PTDSS1: variants seen among roughly 807,000 people sequenced by gnomAD.
The protein encoded by PTDSS1 is phosphatidylserine synthase 1.
A neutral mutation model predicts 70.5 loss-of-function variants in PTDSS1; 45 were observed. The observed-to-expected ratio is 0.64, with a 90% CI of 0.50 to 0.82. The LOEUF is 0.82. PTDSS1 is among the 40% of genes least tolerant of loss of function. The probability of loss-of-function intolerance (pLI) is 0.00; values close to 1 mark genes in which losing one functional copy is unlikely to be tolerated. For missense variants in PTDSS1, 417 were observed against 586.1 expected (o/e 0.71, Z 2.98); for synonymous variants, 188 against 203.8 (o/e 0.92, Z 0.66).
At chr8:96,316,072 A>T (rs1811284216) in intron 9 of PTDSS1, among the ~76,000 whole-genome samples, 1 of 151,568 alleles carries the variant, frequency 6.6e-6, no homozygotes, top group Non-Finnish European at 1.5e-5. Context: ...GTTGATTGGA[A>T]CTCCCTCCAG....
intron 12 of PTDSS1, among the ~76,000 whole-genome samples, chr8:96,331,505 G>A (rs1811515909): frequency 6.6e-6 from 1 of 151,880 alleles, no homozygotes; most frequent in South Asian, 2.1e-4. Flanking sequence ...CTCCAGCCTG[G>A]GCAGCAGAGT....
intron 1 of PTDSS1, among the ~76,000 whole-genome samples, chr8:96,272,853 G>A (rs1373045043): frequency 6.6e-6 from 1 of 152,106 alleles, no homozygotes; most frequent in South Asian, 2.1e-4. Context: ...CCCTCAGTGT[G>A]CAGCCATTCT....
chr8:96,279,061 C>G (rs570942141), intron 2 of PTDSS1, among the ~76,000 whole-genome samples: 3 of 150,946 alleles, frequency 2.0e-5, no homozygotes, highest in African/African-American at 7.3e-5. Context: ...CCCTCCACCT[C>G]CCGGGCTCAA....
intron 1 of PTDSS1, among the ~76,000 whole-genome samples, chr8:96,263,619 C>G (rs1810445939): frequency 6.6e-6 from 1 of 152,178 alleles, no homozygotes; most frequent in Non-Finnish European, 1.5e-5. Flanking sequence ...TTTTATCCAA[C>G]AATCAAGGTT....
At chr8:96,273,510 G>T (rs1563561348) in intron 2 of PTDSS1, 120 bp downstream of exon 2, 5 of 750,124 alleles carry the variant, frequency 6.7e-6, no homozygotes, top group Middle Eastern at 3.8e-4. Context: ...AGTGGTTAGG[G>T]GCACAGGCTC....
chr8:96,291,525 G>A (rs748985728), intron 4 of PTDSS1, among the ~76,000 whole-genome samples: 2 of 149,840 alleles, frequency 1.3e-5, no homozygotes, highest in Non-Finnish European at 1.5e-5. Context: ...TTCTGCAGTC[G>A]CTTCGTAAAT....
chr8:96,294,650 G>A (rs1256735736), intron 4 of PTDSS1, among the ~76,000 whole-genome samples: 1 of 151,668 alleles, frequency 6.6e-6, no homozygotes. Context: ...GTGTATTTTC[G>A]TTATCATTAT....
intron 11 of PTDSS1, 67 bp downstream of exon 11, chr8:96,330,348 A>G: frequency 7.5e-6 from 11 of 1,474,332 alleles, no homozygotes; most frequent in Middle Eastern, 3.4e-4. Context: ...AAATTCGCTC[A>G]GAGCACGTGC....
At chr8:96,326,155 T>A (rs1196523799) in intron 10 of PTDSS1, among the ~76,000 whole-genome samples, 1 of 152,200 alleles carries the variant, frequency 6.6e-6, no homozygotes, top group African/African-American at 2.4e-5. Flanking sequence ...CCTTCCAGAC[T>A]TCTTTTGCCC....
At chr8:96,312,024 G>C (rs1811218836) in intron 9 of PTDSS1, among the ~76,000 whole-genome samples, 1 of 152,202 alleles carries the variant, frequency 6.6e-6, no homozygotes, top group Non-Finnish European at 1.5e-5. Context: ...GCTGTGGAGT[G>C]GATTTTTTTT....
chr8:96,262,052 C>G lies in PTDSS1; in HGVS notation c.12C>G (p.Cys4Trp). 6.2e-7 allele frequency: 1 copy of G among 1,612,572 alleles called. No individual in the cohort carries two copies. ...CGGGGAGGCGGGCCATGGCGTCCTG[C>G]GTGGGGAGCCGGACCCTAAGCAAGG... MAS[C>W]VGSRTLSKDD... The change falls in exon 1 of 13, where the codon TGC becomes TGG. Residue 4 changes from cysteine (C) to tryptophan (W), a missense_variant. Transcript: ENST00000517309. The surrounding 1 kb of genome is among the most constrained non-coding windows in gnomAD (Gnocchi z 4.4).
At chr8:96,307,190 T>A (rs1396681286) in intron 8 of PTDSS1, among the ~76,000 whole-genome samples, 1 of 152,156 alleles carries the variant, frequency 6.6e-6, no homozygotes, top group Non-Finnish European at 1.5e-5. Flanking sequence ...TATTTAGAAA[T>A]GGCATTTGAG....
At chr8:96,283,607 TCTCTCTCTCA>T (rs1289336572) in intron 2 of PTDSS1, 3 of 145,690 alleles carry the variant, frequency 2.1e-5, no homozygotes, top group Non-Finnish European at 4.6e-5. Context: ...AGTCTCTCTC[TCTCTCTCTCA>T]CACACACACA....
At chr8:96,272,550 A>G (rs758402597) in intron 1 of PTDSS1, among the ~76,000 whole-genome samples, 23 of 152,186 alleles carry the variant, frequency 1.5e-4, no homozygotes, top group Non-Finnish European at 3.2e-4. Context: ...TTGGGGGAAC[A>G]ATCATTGTCT....
chr8:96,327,986 G>C (rs564090318), intron 10 of PTDSS1, among the ~76,000 whole-genome samples: 1 of 152,308 alleles, frequency 6.6e-6, no homozygotes, highest in Admixed American at 6.5e-5. Context: ...TGTAAAATGG[G>C]CCTCTTTGTA....
At chr8:96,304,205 T>C in intron 7 of PTDSS1, 24 bp downstream of exon 7, 2 of 1,583,024 alleles carry the variant, frequency 1.3e-6, no homozygotes, top group Non-Finnish European at 1.7e-6. Flanking sequence ...TGCCCAGAAG[T>C]TGGGAGGAAA....
chr8:96,328,102 C>A (rs1455627086), intron 10 of PTDSS1, among the ~76,000 whole-genome samples: 1 of 152,106 alleles, frequency 6.6e-6, no homozygotes, highest in Non-Finnish European at 1.5e-5. Context: ...CTGGAGGGAG[C>A]GGCAGCTGCC....
intron 9 of PTDSS1, among the ~76,000 whole-genome samples, chr8:96,316,761 A>G (rs1811294904): frequency 2.0e-5 from 3 of 152,140 alleles, no homozygotes; most frequent in Admixed American, 2.0e-4. Flanking sequence ...TTGGGAGGCC[A>G]AGGTGGGCGG....
intron 7 of PTDSS1, among the ~76,000 whole-genome samples, chr8:96,304,988 G>A (rs183989471): frequency 6.6e-6 from 1 of 152,326 alleles, no homozygotes; most frequent in Non-Finnish European, 1.5e-5. Context: ...AATGCCCATC[G>A]CAATAAATGA....
Sources: gnomAD v4.1 joint callset for allele counts (sites outside exome capture counted in the v4.1 genomes callset) on GRCh38, gnomAD v4.1.1 for gene constraint, Gnocchi (gnomAD v3.1) non-coding constraint, MANE v1.5 for transcripts, NCBI Gene and HGNC (gene_info 2026-07-23, HGNC 2026-07-21) for gene names.